SERPINB8: variants seen among roughly 807,000 people sequenced by gnomAD.
The protein encoded by SERPINB8 is serpin family B member 8.
Under a neutral mutation model 35.3 loss-of-function variants are expected in SERPINB8, and 25 were observed. The ratio of observed to expected loss-of-function variants is 0.71; its 90% confidence interval spans 0.52 to 0.99. SERPINB8 has a LOEUF of 0.99. Among genes scored for constraint, SERPINB8 ranks in the 50% least tolerant of loss-of-function variants. SERPINB8 has a pLI of 0.00. For synonymous variants in SERPINB8, 186 were observed against 160.8 expected, an observed-to-expected ratio of 1.16 and a Z score of -1.19; for missense variants, 484 against 446.5, an observed-to-expected ratio of 1.08 and a Z score of -0.76.
At position 63,983,560 on chromosome 18, in the gene SERPINB8, A is replaced by G. The variant is rs1018059695; in HGVS notation, c.425-19A>G. The G allele has an allele frequency of 1.9e-6, 3 of 1,609,556 alleles. No individual in the cohort carries two copies. The highest frequency in any genetic ancestry group is 1.7e-6 in the Non-Finnish European group (2 of 1,176,802). ...CTTATTTCCCCACAAATTGCAATAA[A>G]CTCTCATATTCTTTATAGGTAAGAT... On this transcript the variant is annotated intron_variant, in intron 4 of 6. Coordinates refer to ENST00000397985, the MANE Select transcript of SERPINB8 (RefSeq NM_002640.4).
At chr18:63,978,260 T>C (rs1341858159) in intron 1 of SERPINB8, 39 bp from the exon 2 acceptor site, 7 of 1,611,956 alleles carry the variant, frequency 4.3e-6, no homozygotes, top group African/African-American at 1.3e-5. Flanking sequence ...ACCGGAGTCA[T>C]TGGCTTATGT....
downstream of SERPINB8, among the ~76,000 whole-genome samples, chr18:64,007,771 A>G (rs1047875424): frequency 1.3e-5 from 2 of 152,154 alleles, no homozygotes; most frequent in African/African-American, 4.8e-5. Context: ...TGAGAACAGC[A>G]CCAAGAAGGA....
chr18:63,995,057 AAGG>A lies in SERPINB8; in HGVS notation c.71-9756_71-9754del, dbSNP rs1420573833. Among the ~76,000 whole-genome samples, 6 of 152,248 alleles carry A rather than the reference AAGG, an allele frequency of 3.9e-5. No homozygotes were observed. The East Asian group carries it at 9.7e-4, about 25-fold the overall frequency. ...TGATGATTCAATAAAGGGGCTCTCA[AAGG>A]AGGAGACTGAAGAGTTCCTCACCAA... is the stretch of plus-strand genomic sequence containing the variant. On this transcript the variant is annotated intron_variant, in intron 1 of 1. Coordinates refer to the SERPINB8 transcript ENST00000493661.
At chr18:63,971,729 A>G (rs1048970386) in intron 1 of SERPINB8, among the ~76,000 whole-genome samples, 4 of 152,166 alleles carry the variant, frequency 2.6e-5, no homozygotes, top group Non-Finnish European at 4.4e-5. Context: ...CTAAAGCCCC[A>G]ATGCACTCAT....
rs146637081 is a variant in SERPINB8 at position 63,987,032 on chromosome 18, C to G, written c.879C>G (p.Asp293Glu). 24 of 1,614,040 alleles carry G rather than the reference C, an allele frequency of 1.5e-5. No homozygotes were observed. Among genetic ancestry groups the G allele is most frequent in the South Asian group, 2.2e-5 (2 of 91,092 alleles). The change falls in exon 7 of 7, where the codon GAC becomes GAG. Residue 293 changes from aspartate to glutamate, a missense_variant. Physicochemically the swap from Asp to Glu is conservative, Grantham distance 45 (BLOSUM62 2). Coordinates refer to ENST00000397985, the MANE Select transcript of SERPINB8 (RefSeq NM_002640.4). ...GATTAGGAATGATCGATGCTTTTGA[C>G]GAAGCCAAGGCAGACTTTTCTGGAA... Reference protein sequence around the residue: ...LRRLGMIDAFDEAKADFSGMS... With the variant: ...LRRLGMIDAFEEAKADFSGMS...
chr18:64,005,011 C>G (rs1049857904), exon 2 of SERPINB8: 3 of 395,296 alleles, frequency 7.6e-6, no homozygotes, highest in Non-Finnish European at 1.3e-5. Context: ...TGTGTGATAA[C>G]TAATTGCAAC....
intron 3 of SERPINB8, among the ~76,000 whole-genome samples, chr18:63,981,075 G>T (rs2050663373): frequency 6.6e-6 from 1 of 152,168 alleles, no homozygotes; most frequent in Admixed American, 6.5e-5. Context: ...ACATGCAGGT[G>T]CCCAAGCACT....
At chr18:63,979,509 G>A (rs561137419) in intron 2 of SERPINB8, among the ~76,000 whole-genome samples, 2 of 152,216 alleles carry the variant, frequency 1.3e-5, no homozygotes, top group East Asian at 1.9e-4. Context: ...GGACCCTTGC[G>A]AAGACCTGGA....
intron 1 of SERPINB8, among the ~76,000 whole-genome samples, chr18:63,971,191 G>C (rs2050473919): frequency 1.3e-5 from 2 of 152,140 alleles, no homozygotes; most frequent in Non-Finnish European, 2.9e-5. Context: ...GCCCTCCTCT[G>C]TCTCTTCCTT....
At chr18:63,971,697 A>G (rs1473527643) in intron 1 of SERPINB8, among the ~76,000 whole-genome samples, 2 of 152,188 alleles carry the variant, frequency 1.3e-5, no homozygotes, top group Non-Finnish European at 2.9e-5. Context: ...TTTCATACCA[A>G]ATACTGAGCC....
chr18:63,994,661 A>G (rs897968670), intron 1 of SERPINB8, among the ~76,000 whole-genome samples: 1 of 152,176 alleles, frequency 6.6e-6, no homozygotes, highest in African/African-American at 2.4e-5. Context: ...GTACACTGTA[A>G]CAAGACCCAT....
chr18:64,019,492 T>C (rs1334898611), exon 8 of SERPINB8: 1 of 152,178 alleles, frequency 6.6e-6, no homozygotes, highest in Non-Finnish European at 1.5e-5. Flanking sequence ...ATCACAGAAA[T>C]CTAATTGAAC....
chr18:63,976,873 A>T (rs529589226), intron 1 of SERPINB8, among the ~76,000 whole-genome samples: 2 of 152,208 alleles, frequency 1.3e-5, no homozygotes, highest in African/African-American at 4.8e-5. Flanking sequence ...TCTTGGGGAA[A>T]ATGGGGCATC....
intron 7 of SERPINB8, among the ~76,000 whole-genome samples, chr18:64,014,154 A>C (rs1483417151): frequency 6.6e-6 from 1 of 152,204 alleles, no homozygotes; most frequent in Non-Finnish European, 1.5e-5. Context: ...GAGGGATATT[A>C]ATTGAAAGTA....
At position 63,987,533 on chromosome 18, in the gene SERPINB8, C is replaced by T. The variant is rs914671762; in HGVS notation, c.*255C>T. 2 of 462,248 alleles carry T rather than the reference C, an allele frequency of 4.3e-6. No individual in the cohort carries two copies. The highest frequency in any genetic ancestry group is 7.7e-6 in the Non-Finnish European group (2 of 260,104). 28.6% of individuals were successfully genotyped at this position (462,248 alleles called of 1,614,324 possible). Reference sequence around the variant, plus strand: ...TGCCTGCCATTGCCTCTGCCTTCACCTAAGTCTGTGCCCATTGTTTCAGGG... The same window carrying T: ...TGCCTGCCATTGCCTCTGCCTTCACTTAAGTCTGTGCCCATTGTTTCAGGG... On this transcript the variant is annotated 3_prime_UTR_variant, in exon 7 of 7. Transcript: ENST00000397985.
rs868225991 is a variant in SERPINB8 at position 63,985,150 on chromosome 18, G to C, written c.625G>C (p.Asp209His). ...KEAKFKMGYA[D>H]EVHTQVLELP... ...AGCTAAGTTTAAAATGGGGTATGCGGATGAGGTACACACCCAGGTCCTGGA... is the reference window on the plus strand; with the variant it reads ...AGCTAAGTTTAAAATGGGGTATGCGCATGAGGTACACACCCAGGTCCTGGA... The change falls in exon 6 of 7, where the codon GAT (aspartate) becomes CAT (histidine). Residue 209 changes from aspartate (D) to histidine (H), a missense_variant. Coordinates refer to ENST00000397985, the MANE Select transcript of SERPINB8 (RefSeq NM_002640.4). 6.2e-7 allele frequency: 1 copy of C among 1,614,070 alleles called. No individual in the cohort carries two copies. Among genetic ancestry groups the C allele is most frequent in the African/African-American group, 1.3e-5 (1 of 74,924 alleles).
chr18:64,016,435 TTTTG>T (rs914257479), intron 7 of SERPINB8, among the ~76,000 whole-genome samples: 3 of 152,200 alleles, frequency 2.0e-5, no homozygotes, highest in Non-Finnish European at 4.4e-5. Flanking sequence ...CATTTTTGTT[TTTTG>T]TTTGTTTTTT....
rs534286833 is a variant in SERPINB8, at chr18:63,989,139, A to T, written c.*1861A>T. 1 of 152,214 alleles carries T rather than the reference A, an allele frequency of 6.6e-6. No individual in the cohort carries two copies. The highest frequency in any genetic ancestry group is 6.5e-5 in the Admixed American group (1 of 15,278). 9.4% of individuals were successfully genotyped at this position (152,214 alleles called of 1,614,324 possible). A position where few individuals can be genotyped will look rare whatever the true frequency, so the allele number is the denominator to read the frequency against. ...TTTTAAAGAAATTTACATACATGGAACCATACATCATCTATGCTTTGTAGT... is the reference window on the plus strand; with the variant it reads ...TTTTAAAGAAATTTACATACATGGATCCATACATCATCTATGCTTTGTAGT... On this transcript the variant is annotated 3_prime_UTR_variant, in exon 7 of 7. Coordinates refer to ENST00000397985, the MANE Select transcript of SERPINB8 (RefSeq NM_002640.4).
chr18:64,003,505 A>C (rs2050885605), intron 1 of SERPINB8, among the ~76,000 whole-genome samples: 1 of 148,026 alleles, frequency 6.8e-6, no homozygotes, highest in Non-Finnish European at 1.5e-5. Context: ...ACTCCATTGG[A>C]TATTGAGGGA....
Sources: gnomAD v4.1 joint callset for allele counts (sites outside exome capture counted in the v4.1 genomes callset) on GRCh38, gnomAD v4.1.1 for gene constraint, MANE v1.5 for transcripts, NCBI Gene and HGNC (gene_info 2026-07-23, HGNC 2026-07-21) for gene names.